Variants in PLCD4 observed in about 807,000 individuals in gnomAD.
PLCD4 encodes the protein phospholipase C delta 4.
A neutral mutation model predicts 90.2 loss-of-function variants in PLCD4; 63 were observed. The ratio of observed to expected loss-of-function variants is 0.70; its 90% CI spans 0.57 to 0.86. The LOEUF (loss-of-function observed/expected upper bound fraction) is 0.86, where lower values mean the gene tolerates loss of function less well. Ranked by LOEUF, PLCD4 falls within the 40% of genes least tolerant of loss-of-function variation. The pLI is 0.00. For missense variants in PLCD4, 830 were observed against 956.3 expected (o/e 0.87, Z 1.74); for synonymous variants, 294 against 356.5 (o/e 0.82, Z 1.97).
Position 218,635,738 on chromosome 2 carries a change from G to C in PLCD4, c.1897-58G>C, listed in dbSNP as rs1017891986. On this transcript the variant is annotated intron_variant, in intron 13 of 15. Transcript: ENST00000450993. ...TTCTTCTCCCCTGGGGTTGGGAGTAGGGTCGGGTGGGGCTGGGCTGAGCAG... is the reference window on the plus strand; with the variant it reads ...TTCTTCTCCCCTGGGGTTGGGAGTACGGTCGGGTGGGGCTGGGCTGAGCAG... 1.9e-6 allele frequency: 3 copies of C among 1,568,256 alleles called. No homozygotes were observed. In the African/African-American group the frequency reaches 4.1e-5, roughly 21 times the overall value.
chr2:218,633,949 G>C (rs1475021307), intron 11 of PLCD4, 156 bp from the exon 12 acceptor site: 1 of 1,229,874 alleles, frequency 8.1e-7, no homozygotes, highest in Admixed American at 2.2e-5. Context: ...GGGCAGGAAA[G>C]CTGGTCTGGA....
chr2:218,629,295 T>C, intron 7 of PLCD4: 1 of 512,734 alleles, frequency 2.0e-6, no homozygotes, highest in East Asian at 2.9e-5. Flanking sequence ...GATGGATTGC[T>C]ATGGAAGGAC....
Position 218,628,088 on chromosome 2 carries a change from G to A in PLCD4, c.832G>A (p.Gly278Arg). The A allele has an allele frequency of 1.9e-6, 3 of 1,614,014 alleles. No homozygotes were observed. The highest frequency in any genetic ancestry group is 1.7e-6 in the Non-Finnish European group (2 of 1,179,894). The change falls in exon 7 of 16, where the codon GGA becomes AGA. Residue 278 changes from glycine (G) to arginine (R), a missense_variant. Physicochemically the swap from Gly to Arg is moderately radical, Grantham distance 125 (BLOSUM62 -2). Transcript: ENST00000450993. ...GFLSYLCSKD[G>R]DIFNPACLPI... Reference sequence around the variant, plus strand: ...CCTCAGCTACCTCTGCTCTAAGGATGGAGACATCTTCAACCCAGCCTGCCT... The same window carrying A: ...CCTCAGCTACCTCTGCTCTAAGGATAGAGACATCTTCAACCCAGCCTGCCT...
intron 3 of PLCD4, among the ~76,000 whole-genome samples, chr2:218,616,753 A>ACATACATACATC (rs1200030043): frequency 1.8e-4 from 27 of 149,450 alleles, no homozygotes; most frequent in East Asian, 3.9e-4. Flanking sequence ...ATACATACAT[A>ACATACATACATC]CATCAAGCTT....
intron 1 of PLCD4, among the ~76,000 whole-genome samples, chr2:218,613,623 G>A (rs938168158): frequency 1.1e-4 from 16 of 152,052 alleles, no homozygotes; most frequent in Non-Finnish European, 4.4e-5. Context: ...GAGCTCAGTG[G>A]TGTAATCTCA....
At chr2:218,619,606 TTAA>T (rs1695782899) in intron 4 of PLCD4, among the ~76,000 whole-genome samples, 1 of 151,518 alleles carries the variant, frequency 6.6e-6, no homozygotes, top group African/African-American at 2.4e-5. Context: ...GGTACAAAGA[TTAA>T]TGAGACTCAC....
At chr2:218,620,556 A>AT (rs1559266747) in intron 4 of PLCD4, among the ~76,000 whole-genome samples, 2 of 139,212 alleles carry the variant, frequency 1.4e-5, no homozygotes, top group African/African-American at 5.4e-5. Context: ...TATTTATAAT[A>AT]AATAAATAAA....
chr2:218,617,248 GC>G (rs1695658627), intron 3 of PLCD4, among the ~76,000 whole-genome samples: 1 of 146,192 alleles, frequency 6.8e-6, no homozygotes, highest in Admixed American at 6.8e-5. Context: ...ACAGGCGTGA[GC>G]CACTGCACCC....
intron 11 of PLCD4, 66 bp downstream of exon 11, chr2:218,633,827 C>A: frequency 6.4e-7 from 1 of 1,559,514 alleles, no homozygotes; most frequent in Non-Finnish European, 8.8e-7. Context: ...GATGGACTGG[C>A]AGGTAAGTCC....
chr2:218,614,582 T>C (rs1695497297), intron 1 of PLCD4, among the ~76,000 whole-genome samples: 1 of 152,156 alleles, frequency 6.6e-6, no homozygotes, highest in Non-Finnish European at 1.5e-5. Context: ...CCCAAGTAGC[T>C]GGGATTACAG....
In PLCD4 at chr2:218,634,206, G is replaced by A; in HGVS notation, c.1708G>A (p.Ala570Thr). The change falls in exon 12 of 16, where the codon GCA becomes ACA. Residue 570 changes from alanine to threonine, a missense_variant. Transcript: ENST00000450993. This position sits in a 1 kb window ranked among gnomAD's most constrained non-coding sequence, Gnocchi z 4.0. ...CTACAACCCCCAGGAACTCTGGAAT[G>A]CAGGCTGCCAGATGGGTGAGGAGGC... ...SNYNPQELWN[A>T]GCQMVAMNMQ... The A allele has an allele frequency of 1.2e-6, 2 of 1,610,790 alleles. No homozygotes were observed. Among genetic ancestry groups the A allele is most frequent in the Non-Finnish European group, 1.7e-6 (2 of 1,178,470 alleles).
At position 218,634,525 on chromosome 2, in the gene PLCD4, C is replaced by G; in HGVS notation, c.1791C>G (p.Gly597=). The G allele has an allele frequency of 6.2e-7, 1 of 1,614,040 alleles. No individual in the cohort carries two copies. The highest frequency in any genetic ancestry group is 2.2e-5 in the East Asian group (1 of 44,884). Residue 597 remains glycine (G), a synonymous_variant, in exon 13 of 16, where the codon GGC becomes GGG. Coordinates refer to ENST00000450993, the MANE Select transcript of PLCD4 (RefSeq NM_032726.4). This position sits in a 1 kb window ranked among gnomAD's most constrained non-coding sequence, Gnocchi z 4.0. ...DICDGHFRQN[G]GCGYVLKPDF... Reference sequence around the variant, plus strand: ...GTGATGGGCATTTCCGCCAGAATGGCGGCTGTGGCTATGTGCTGAAGCCAG... The same window carrying G: ...GTGATGGGCATTTCCGCCAGAATGGGGGCTGTGGCTATGTGCTGAAGCCAG...
At chr2:218,620,192 T>G (rs1269270677) in intron 4 of PLCD4, among the ~76,000 whole-genome samples, 1 of 151,986 alleles carries the variant, frequency 6.6e-6, no homozygotes, top group Non-Finnish European at 1.5e-5. Context: ...TAAAGTAAAC[T>G]TTAAAAAATT....
chr2:218,609,070 G>A (rs1695215626), intron 1 of PLCD4, among the ~76,000 whole-genome samples: 1 of 151,700 alleles, frequency 6.6e-6, no homozygotes, highest in Admixed American at 6.6e-5. Flanking sequence ...TGAACCCCGG[G>A]GGGCGGAGCC....
In PLCD4 at chr2:218,634,643, T is replaced by G. The variant is rs1161235386; in HGVS notation, c.1896+13T>G. ...TCTCTTAATCCAGGTACAGTGGAAA[T>G]AAACTGTTGGGAAGAAACTGAGATA... is the stretch of plus-strand genomic sequence containing the variant. On this transcript the variant is annotated intron_variant, in intron 13 of 15. Coordinates refer to ENST00000450993, the MANE Select transcript of PLCD4 (RefSeq NM_032726.4). This position sits in a 1 kb window ranked among gnomAD's most constrained non-coding sequence, Gnocchi z 4.0. 4 of 1,611,480 alleles carry G rather than the reference T, an allele frequency of 2.5e-6. No homozygotes were observed. The highest frequency in any genetic ancestry group is 3.4e-6 in the Non-Finnish European group (4 of 1,178,764).
At position 218,633,726 on chromosome 2, in the gene PLCD4, C is replaced by T. The variant is rs1313166216; in HGVS notation, c.1571C>T (p.Ser524Phe). 1 of 1,613,954 alleles carries T rather than the reference C, an allele frequency of 6.2e-7. No homozygotes were observed. The highest frequency in any genetic ancestry group is 2.2e-5 in the East Asian group (1 of 44,882). Residue 524 changes from serine (S) to phenylalanine (F), a missense_variant, in exon 11 of 16, where the codon TCT becomes TTT. By Grantham distance (155) the Ser-to-Phe change is radical (BLOSUM62 -2). Transcript: ENST00000450993. ...HYHFYEISSF[S>F]ETKAKRLIKE... is the part of the protein sequence containing the mutation. ...CACTTCTACGAGATATCATCTTTCT[C>T]TGAAACCAAGGCCAAGCGCCTCATC...
At chr2:218,633,150 A>T in intron 10 of PLCD4, 2 of 534,102 alleles carry the variant, frequency 3.7e-6, no homozygotes, top group Non-Finnish European at 6.6e-6. Context: ...GGTGTGACTT[A>T]CATGACCATT....
intron 1 of PLCD4, among the ~76,000 whole-genome samples, chr2:218,614,772 G>A (rs1368183810): frequency 2.0e-5 from 3 of 151,912 alleles, no homozygotes; most frequent in Non-Finnish European, 4.4e-5. Flanking sequence ...TCTTAAAAGA[G>A]GTACCCTTTT....
intron 3 of PLCD4, among the ~76,000 whole-genome samples, chr2:218,616,663 G>C (rs888196725): frequency 1.3e-5 from 2 of 151,272 alleles, no homozygotes; most frequent in African/African-American, 4.9e-5. Context: ...ACTGCAGTGA[G>C]CTGTGATCAC....
Sources: allele counts gnomAD v4.1 joint callset (sites outside exome capture counted in the v4.1 genomes callset), GRCh38; gene constraint gnomAD v4.1.1; non-coding constraint Gnocchi (gnomAD v3.1); transcripts MANE v1.5; gene names NCBI Gene and HGNC (gene_info 2026-07-23, HGNC 2026-07-21).